Variants in HS6ST3 observed in about 807,000 individuals in gnomAD.
HS6ST3 encodes the protein heparan-sulfate 6-O-sulfotransferase 3.
In HS6ST3, 12 loss-of-function variants were observed where a neutral mutation model predicts 36.7. The ratio of observed to expected loss-of-function variants is 0.33; its 90% CI spans 0.21 to 0.53. The LOEUF (loss-of-function observed/expected upper bound fraction) is 0.53. Among genes scored for constraint, HS6ST3 ranks in the 20% least tolerant of loss-of-function variants. The pLI is 0.95. For missense variants in HS6ST3, 584 were observed against 640.9 expected, an observed-to-expected ratio of 0.91 and a Z score of 0.96; for synonymous variants, 240 against 257.5, an observed-to-expected ratio of 0.93 and a Z score of 0.65.
chr13:96,184,977 T>G (rs921430936), intron 1 of HS6ST3, among the ~76,000 whole-genome samples: 1 of 152,198 alleles, frequency 6.6e-6, no homozygotes, highest in Non-Finnish European at 1.5e-5. Context: ...CTATTTAACT[T>G]TTCTCATTTT....
At position 96,322,905 on chromosome 13, in the gene HS6ST3, T is replaced by G. The variant is rs117187812; in HGVS notation, c.707+231336T>G. Reference sequence around the variant, plus strand: ...ATTCCACACAATATCAGTTCCTTCATTTTCAAACACTTTTTTCACTTGATT... The same window carrying G: ...ATTCCACACAATATCAGTTCCTTCAGTTTCAAACACTTTTTTCACTTGATT... On this transcript the variant is annotated intron_variant, in intron 1 of 1. Coordinates refer to ENST00000376705, the MANE Select transcript of HS6ST3 (RefSeq NM_153456.4). 1.4e-3 allele frequency among the ~76,000 whole-genome samples: 218 copies of G among 152,316 alleles called. 1 individual carries two copies. The highest frequency in any genetic ancestry group is 2.3e-3 in the Non-Finnish European group (159 of 68,028).
intron 1 of HS6ST3, among the ~76,000 whole-genome samples, chr13:96,653,865 A>G (rs947050764): frequency 1.3e-5 from 2 of 152,148 alleles, no homozygotes; most frequent in East Asian, 1.9e-4. Flanking sequence ...CCTCTCAAGC[A>G]TCTGTTGTTT....
chr13:96,432,116 T>C (rs1445110750), intron 1 of HS6ST3, among the ~76,000 whole-genome samples: 1 of 152,166 alleles, frequency 6.6e-6, no homozygotes, highest in African/African-American at 2.4e-5. Context: ...TTTTTGCCCT[T>C]TTTCCTTTAC....
chr13:96,230,130 A>G (rs538706191), intron 1 of HS6ST3, among the ~76,000 whole-genome samples: 3 of 152,284 alleles, frequency 2.0e-5, no homozygotes, highest in South Asian at 2.1e-4. Context: ...AGGAGTTTCA[A>G]CTTTATCCTG....
At chr13:96,326,513 T>G (rs2055032627) in intron 1 of HS6ST3, among the ~76,000 whole-genome samples, 1 of 152,146 alleles carries the variant, frequency 6.6e-6, no homozygotes, top group South Asian at 2.1e-4. Context: ...GAACTCATCA[T>G]TTTTCATGGC....
intron 1 of HS6ST3, among the ~76,000 whole-genome samples, chr13:96,803,346 G>C (rs1043197538): frequency 1.3e-5 from 2 of 152,106 alleles, no homozygotes; most frequent in Non-Finnish European, 2.9e-5. Flanking sequence ...AACTCATTTA[G>C]CCAGATTTGT....
chr13:96,244,733 A>G (rs892215568), intron 1 of HS6ST3, among the ~76,000 whole-genome samples: 1 of 152,158 alleles, frequency 6.6e-6, no homozygotes, highest in Non-Finnish European at 1.5e-5. Flanking sequence ...GAAATTTGAC[A>G]CCTCTGGTGC....
intron 1 of HS6ST3, among the ~76,000 whole-genome samples, chr13:96,587,372 T>A (rs2056365836): frequency 6.6e-6 from 1 of 152,156 alleles, no homozygotes; most frequent in Non-Finnish European, 1.5e-5. Flanking sequence ...TTGCATTGAA[T>A]TTGTAATTGT....
chr13:96,254,484 T>TAC (rs1566302659), intron 1 of HS6ST3, among the ~76,000 whole-genome samples: 2 of 18,602 alleles, frequency 1.1e-4, no homozygotes, highest in African/African-American at 4.4e-4. Context: ...TATATATATA[T>TAC]ATATATATAT....
chr13:96,378,720 A>T (rs556373522), intron 1 of HS6ST3, among the ~76,000 whole-genome samples: 1 of 152,148 alleles, frequency 6.6e-6, no homozygotes, highest in African/African-American at 2.4e-5. Flanking sequence ...GTCTGCTCAC[A>T]GGTGGGGTTA....
At chr13:96,825,160 T>G (rs1033630154) in intron 1 of HS6ST3, among the ~76,000 whole-genome samples, 5 of 152,208 alleles carry the variant, frequency 3.3e-5, no homozygotes, top group African/African-American at 9.7e-5. Flanking sequence ...TTATGAGGGT[T>G]AAGCTGGTGG....
intron 1 of HS6ST3, among the ~76,000 whole-genome samples, chr13:96,469,841 G>T (rs1199800286): frequency 6.6e-6 from 1 of 152,090 alleles, no homozygotes. Flanking sequence ...TTAAGGGTCT[G>T]GGAAACGTGA....
chr13:96,717,557 AAAG>A (rs1380756998), intron 1 of HS6ST3, among the ~76,000 whole-genome samples: 1 of 152,254 alleles, frequency 6.6e-6, no homozygotes, highest in African/African-American at 2.4e-5. Context: ...GCAGAGAGGT[AAAG>A]AAGAAAGAAA....
At chr13:96,640,240 A>AT (rs985632176) in intron 1 of HS6ST3, among the ~76,000 whole-genome samples, 2 of 151,488 alleles carry the variant, frequency 1.3e-5, no homozygotes, top group African/African-American at 4.9e-5. Context: ...TTATTTTTTG[A>AT]TTTTTTAATG....
At chr13:96,242,029 C>G (rs1251375088) in intron 1 of HS6ST3, among the ~76,000 whole-genome samples, 1 of 151,836 alleles carries the variant, frequency 6.6e-6, no homozygotes, top group Non-Finnish European at 1.5e-5. Flanking sequence ...TCGTGATCCG[C>G]CCGCCTCGGC....
chr13:96,402,157 G>T (rs2139458011), intron 1 of HS6ST3, among the ~76,000 whole-genome samples: 1 of 152,210 alleles, frequency 6.6e-6, no homozygotes, highest in Middle Eastern at 3.4e-3. Flanking sequence ...GCCTCTTTAA[G>T]GTTGATGTAA....
chr13:96,333,391 C>G (rs187047936), intron 1 of HS6ST3, among the ~76,000 whole-genome samples: 1 of 152,284 alleles, frequency 6.6e-6, no homozygotes, highest in Admixed American at 6.5e-5. Context: ...GAAGTGATTA[C>G]TTTTTAGAGA....
intron 1 of HS6ST3, among the ~76,000 whole-genome samples, chr13:96,830,581 C>G (rs1878757273): frequency 6.6e-6 from 1 of 152,084 alleles, no homozygotes; most frequent in Non-Finnish European, 1.5e-5. Flanking sequence ...AGAAAAATGA[C>G]CTGGTTTTGT....
chr13:96,400,272 C>T (rs1225242373), intron 1 of HS6ST3, among the ~76,000 whole-genome samples: 1 of 148,912 alleles, frequency 6.7e-6, no homozygotes, highest in Non-Finnish European at 1.5e-5. Flanking sequence ...CACAGACATA[C>T]ACAGACACAC....
Sources: allele counts gnomAD v4.1 joint callset (sites outside exome capture counted in the v4.1 genomes callset), GRCh38; gene constraint gnomAD v4.1.1; transcripts MANE v1.5; gene names NCBI Gene and HGNC (gene_info 2026-07-23, HGNC 2026-07-21).